The following NUP62CL variants were observed in gnomAD, a reference collection of about 807,000 sequenced individuals.
NUP62CL encodes nucleoporin-62 C-terminal-like protein.
In NUP62CL, 13 loss-of-function variants were observed where a neutral mutation model predicts 15.3. The observed-to-expected ratio is 0.85, with a 90% CI of 0.55 to 1.35. The LOEUF (loss-of-function observed/expected upper bound fraction) is 1.35, where lower values mean the gene tolerates loss of function less well. NUP62CL is among the 40% of genes most tolerant of loss of function. NUP62CL has a pLI of 0.00. For synonymous variants in NUP62CL, 54 were observed against 49.2 expected (o/e 1.10, Z -0.41); for missense variants, 123 against 130.6 (o/e 0.94, Z 0.28).
intron 8 of NUP62CL, among the ~76,000 whole-genome samples, chrX:107,127,119 A>T (rs1226047303): frequency 8.9e-6 from 1 of 112,208 alleles, no homozygotes; most frequent in Non-Finnish European, 1.9e-5. Context: ...ATACACAGCA[A>T]TAACAGGAAT....
intron 2 of NUP62CL, among the ~76,000 whole-genome samples, chrX:107,179,682 T>C (rs1247994730): frequency 1.8e-5 from 2 of 112,199 alleles, no homozygotes; most frequent in African/African-American, 3.2e-5. Context: ...GCAATAAACA[T>C]GTAAGTGCAA....
In NUP62CL at chrX:107,127,510, T is replaced by C. The variant is rs1458141912; in HGVS notation, c.*43-3178A>G. ...GTGAAGCTGCTTCCAGTCAGTGTCA[T>C]TCTGTTTTGGAGACAGATGTTTTCT... On this transcript the variant is annotated intron_variant, in intron 8 of 8. Transcript: ENST00000372466. Among the ~76,000 whole-genome samples, 4 of 112,240 alleles carry C rather than the reference T, an allele frequency of 3.6e-5. No homozygotes were observed. In the Admixed American group the frequency reaches 3.8e-4, roughly 11 times the overall value.
intron 8 of NUP62CL, among the ~76,000 whole-genome samples, chrX:107,136,131 G>A (rs751550944): frequency 1.8e-5 from 2 of 108,820 alleles, no homozygotes; most frequent in Non-Finnish European, 3.8e-5. Flanking sequence ...GAAAAACATC[G>A]AGACAAAAAG....
At position 107,186,222 on chromosome X, in the gene NUP62CL, T is replaced by G. The variant is rs918914856; in HGVS notation, c.-48+6807A>C. 4.5e-5 allele frequency among the ~76,000 whole-genome samples: 5 copies of G among 111,752 alleles called. No homozygotes were observed. The Admixed American group carries it at 4.7e-4, about 11-fold the overall frequency. ...ACATCATGAACCTTCAGGATCTAATTGACATTTATAGAACACTTCACCCAA... is the reference window on the plus strand; with the variant it reads ...ACATCATGAACCTTCAGGATCTAATGGACATTTATAGAACACTTCACCCAA... On this transcript the variant is annotated intron_variant, in intron 2 of 8. Coordinates refer to ENST00000372466, the MANE Select transcript of NUP62CL (RefSeq NM_017681.3).
chrX:107,205,425 T>G (rs1927652578), intron 1 of NUP62CL, among the ~76,000 whole-genome samples: 1 of 111,915 alleles, frequency 8.9e-6, no homozygotes, highest in Non-Finnish European at 1.9e-5. Flanking sequence ...GCCAATAACC[T>G]TATTCTACCC....
intron 4 of NUP62CL, among the ~76,000 whole-genome samples, chrX:107,157,884 A>G: frequency 9.0e-6 from 1 of 110,623 alleles, no homozygotes; most frequent in Non-Finnish European, 1.9e-5. Context: ...CAGGAGACCC[A>G]TCTCATGTGC....
Position 107,154,018 on chromosome X carries a change from A to G in NUP62CL, c.345+78T>C, listed in dbSNP as rs1052467488. 7.6e-5 allele frequency: 72 copies of G among 951,477 alleles called. No homozygotes were observed. In the African/African-American group the frequency reaches 1.3e-3, roughly 17 times the overall value. The allele number at this position is 951,477 out of a possible 1,213,427, so 78.4% of individuals were successfully genotyped here. The stretch of plus-strand genomic sequence containing the variant: ...AAACAACAACAACAAAGAAAACCAC[A>G]AAACACAGGTCTATTTTCTTGTGTT... On this transcript the variant is annotated intron_variant, in intron 5 of 8. Coordinates refer to ENST00000372466, the MANE Select transcript of NUP62CL (RefSeq NM_017681.3).
At chrX:107,185,378 A>C (rs1927036626) in intron 2 of NUP62CL, among the ~76,000 whole-genome samples, 1 of 111,334 alleles carries the variant, frequency 9.0e-6, no homozygotes, top group Non-Finnish European at 1.9e-5. Context: ...TGAAAGCTGA[A>C]GCAAAAATTA....
intron 7 of NUP62CL, among the ~76,000 whole-genome samples, chrX:107,149,113 C>A (rs1224576633): frequency 9.0e-6 from 1 of 111,331 alleles, no homozygotes; most frequent in Non-Finnish European, 1.9e-5. Flanking sequence ...ATTTACTACC[C>A]ACTACTAAAA....
intron 2 of NUP62CL, among the ~76,000 whole-genome samples, chrX:107,187,424 G>A (rs1337881917): frequency 8.9e-6 from 1 of 112,197 alleles, no homozygotes; most frequent in Admixed American, 9.4e-5. Flanking sequence ...TTGAGATGAA[G>A]TCTGGCTCTG....
At chrX:107,156,550 C>A (rs1177626041) in intron 4 of NUP62CL, among the ~76,000 whole-genome samples, 174 of 88,469 alleles carry the variant, frequency 2.0e-3, no homozygotes, top group East Asian at 3.5e-3. Context: ...GGTATTCCAA[C>A]AGACCTGCAG....
At chrX:107,169,865 A>G (rs1462355400) in intron 3 of NUP62CL, among the ~76,000 whole-genome samples, 1 of 111,252 alleles carries the variant, frequency 9.0e-6, no homozygotes, top group Non-Finnish European at 1.9e-5. Context: ...TCACCCAAAG[A>G]TGGTTTTCTA....
At chrX:107,145,329 T>A (rs1182656085) in intron 8 of NUP62CL, among the ~76,000 whole-genome samples, 2 of 110,878 alleles carry the variant, frequency 1.8e-5, no homozygotes, top group East Asian at 2.8e-4. Context: ...TTAAAAGTAG[T>A]TAACTCTGGT....
intron 8 of NUP62CL, among the ~76,000 whole-genome samples, chrX:107,144,475 T>G (rs763646003): frequency 8.9e-6 from 1 of 112,229 alleles, no homozygotes; most frequent in African/African-American, 3.2e-5. Flanking sequence ...ATCTTAATTT[T>G]ATTAAGGAAA....
chrX:107,177,898 T>C (rs899798472), intron 2 of NUP62CL, among the ~76,000 whole-genome samples: 1 of 111,244 alleles, frequency 9.0e-6, no homozygotes, highest in African/African-American at 3.3e-5. Context: ...CAAAAACATA[T>C]ATGTGAATAT....
intron 4 of NUP62CL, among the ~76,000 whole-genome samples, chrX:107,165,433 T>A (rs1384312697): frequency 9.0e-6 from 1 of 111,611 alleles, no homozygotes; most frequent in African/African-American, 3.2e-5. Context: ...TTTACACTAT[T>A]TCTTTTAGAA....
At chrX:107,189,817 A>AGGGAAGGAGGGAAGGAAG (rs1569365521) in intron 2 of NUP62CL, among the ~76,000 whole-genome samples, 1 of 63,449 alleles carries the variant, frequency 1.6e-5, no homozygotes, top group African/African-American at 6.0e-5. Flanking sequence ...AGAGAAAGAA[A>AGGGAAGGAGGGAAGGAAG]GAAAGAAGGA....
chrX:107,179,614 A>G (rs1031693922), intron 2 of NUP62CL, among the ~76,000 whole-genome samples: 3 of 112,312 alleles, frequency 2.7e-5, no homozygotes, highest in African/African-American at 9.7e-5. Flanking sequence ...GCATAGTCCA[A>G]TCAACCACTT....
intron 7 of NUP62CL, among the ~76,000 whole-genome samples, chrX:107,150,029 G>C (rs1156283213): frequency 8.9e-6 from 1 of 112,119 alleles, no homozygotes; most frequent in African/African-American, 3.2e-5. Flanking sequence ...TTTATTATGA[G>C]CTAAATAGTA....
Sources: allele counts gnomAD v4.1 joint callset (sites outside exome capture counted in the v4.1 genomes callset), GRCh38; gene constraint gnomAD v4.1.1; transcripts MANE v1.5; gene names NCBI Gene and HGNC (gene_info 2026-07-23, HGNC 2026-07-21).